MACROD2: variants seen among roughly 807,000 people sequenced by gnomAD.
MACROD2 encodes the protein ADP-ribose glycohydrolase MACROD2.
A neutral mutation model predicts 70.4 loss-of-function variants in MACROD2; 36 were observed. That is an observed-to-expected ratio of 0.51 (90% CI 0.39 to 0.68). The LOEUF is 0.68. Ranked by LOEUF, MACROD2 falls within the 30% of genes least tolerant of loss-of-function variation. The probability of loss-of-function intolerance (pLI) is 0.00; values close to 1 mark genes in which losing one functional copy is unlikely to be tolerated. For synonymous variants in MACROD2, 172 were observed against 178.8 expected, an observed-to-expected ratio of 0.96 and a Z score of 0.30; for missense variants, 496 against 538.4, an observed-to-expected ratio of 0.92 and a Z score of 0.78.
At chr20:14,972,385 T>C (rs1318190913) in intron 5 of MACROD2, among the ~76,000 whole-genome samples, 1 of 152,182 alleles carries the variant, frequency 6.6e-6, no homozygotes, top group Non-Finnish European at 1.5e-5. Flanking sequence ...TCTCACTCTC[T>C]TTCTCTCATC....
intron 8 of MACROD2, among the ~76,000 whole-genome samples, chr20:15,582,135 A>C (rs1475097281): frequency 1.3e-5 from 2 of 150,652 alleles, no homozygotes; most frequent in African/African-American, 4.9e-5. Context: ...AAAAAAAAAA[A>C]GTTCTGCCAC....
At chr20:15,501,679 G>A (rs76158967) in intron 8 of MACROD2, among the ~76,000 whole-genome samples, 1,703 of 152,208 alleles carry the variant, frequency 0.011, 28 homozygotes, top group African/African-American at 0.039. Context: ...TATTGCAACT[G>A]TAAACATATC....
At chr20:14,169,769 A>G (rs1223115201) in intron 3 of MACROD2, among the ~76,000 whole-genome samples, 2 of 152,140 alleles carry the variant, frequency 1.3e-5, no homozygotes, top group African/African-American at 4.8e-5. Context: ...GTCATTGAAT[A>G]CATTGTTCCT....
At chr20:14,216,939 T>A (rs2081628051) in intron 3 of MACROD2, among the ~76,000 whole-genome samples, 1 of 152,248 alleles carries the variant, frequency 6.6e-6, no homozygotes, top group East Asian at 1.9e-4. Context: ...AGGTAAACAA[T>A]CATATTGTCA....
intron 3 of MACROD2, among the ~76,000 whole-genome samples, chr20:14,269,660 A>G (rs767289582): frequency 1.1e-4 from 16 of 152,332 alleles, no homozygotes; most frequent in Middle Eastern, 6.8e-3. Context: ...GGATTTAATT[A>G]TACAAATAGT....
intron 4 of MACROD2, among the ~76,000 whole-genome samples, chr20:14,596,917 T>A (rs1232228003): frequency 1.3e-5 from 2 of 152,218 alleles, no homozygotes; most frequent in African/African-American, 2.4e-5. Context: ...ACATTTCATA[T>A]CCAGAATTAC....
At chr20:15,278,578 T>C (rs956237553) in intron 6 of MACROD2, among the ~76,000 whole-genome samples, 3 of 152,180 alleles carry the variant, frequency 2.0e-5, no homozygotes, top group Non-Finnish European at 2.9e-5. Context: ...AACGTACACA[T>C]GATAAAACAG....
At chr20:15,122,305 A>G (rs905954533) in intron 5 of MACROD2, among the ~76,000 whole-genome samples, 1 of 152,102 alleles carries the variant, frequency 6.6e-6, no homozygotes, top group Admixed American at 6.5e-5. Context: ...ACATTCCACC[A>G]TTATTGGTGC....
intron 9 of MACROD2, among the ~76,000 whole-genome samples, chr20:15,876,742 C>T (rs6080003): frequency 0.17 from 25,305 of 152,116 alleles, 2,253 homozygotes; most frequent in South Asian, 0.29. Context: ...AGTGTAAAAG[C>T]GTTCCTATTT....
At chr20:15,519,672 G>C (rs1324029432) in intron 8 of MACROD2, among the ~76,000 whole-genome samples, 1 of 152,168 alleles carries the variant, frequency 6.6e-6, no homozygotes, top group African/African-American at 2.4e-5. Flanking sequence ...AAAAGAGATG[G>C]AGTCTTACTC....
At chr20:14,146,020 C>T (rs1405897064) in intron 3 of MACROD2, among the ~76,000 whole-genome samples, 2 of 152,098 alleles carry the variant, frequency 1.3e-5, no homozygotes, top group Non-Finnish European at 2.9e-5. Context: ...AGTTTTATCC[C>T]CTTTAAAGAT....
chr20:14,775,014 A>C (rs2072215979), intron 5 of MACROD2, among the ~76,000 whole-genome samples: 1 of 152,142 alleles, frequency 6.6e-6, no homozygotes, highest in African/African-American at 2.4e-5. Context: ...AATCACAAAC[A>C]TTTGATTCTG....
At chr20:15,329,590 G>T (rs1464657678) in intron 6 of MACROD2, among the ~76,000 whole-genome samples, 1 of 151,698 alleles carries the variant, frequency 6.6e-6, no homozygotes, top group East Asian at 1.9e-4. Context: ...AAAAAATAAA[G>T]TACATAAAAA....
intron 4 of MACROD2, among the ~76,000 whole-genome samples, chr20:14,681,661 T>A (rs1003598777): frequency 4.6e-5 from 7 of 152,300 alleles, no homozygotes; most frequent in Middle Eastern, 6.8e-3. Context: ...TTTATTAGCA[T>A]CATGGTTACA....
chr20:15,404,818 C>T (rs1014440661), intron 6 of MACROD2, among the ~76,000 whole-genome samples: 1 of 152,176 alleles, frequency 6.6e-6, no homozygotes, highest in African/African-American at 2.4e-5. Flanking sequence ...GATATCATAT[C>T]GTTCCATCCA....
At chr20:14,394,933 A>G (rs1393324284) in intron 3 of MACROD2, among the ~76,000 whole-genome samples, 1 of 152,206 alleles carries the variant, frequency 6.6e-6, no homozygotes, top group Non-Finnish European at 1.5e-5. Flanking sequence ...TTATATTCCT[A>G]GAATAAACTC....
chr20:15,048,327 G>A (rs933030370), intron 5 of MACROD2, among the ~76,000 whole-genome samples: 3 of 152,012 alleles, frequency 2.0e-5, no homozygotes, highest in Non-Finnish European at 4.4e-5. Context: ...TGAAGCCACT[G>A]ATATGTAAAG....
At chr20:15,263,257 A>G (rs750375106) in intron 6 of MACROD2, among the ~76,000 whole-genome samples, 2 of 151,864 alleles carry the variant, frequency 1.3e-5, no homozygotes, top group Non-Finnish European at 2.9e-5. Flanking sequence ...TTTTCTCTAT[A>G]TAGATATTCA....
chr20:14,181,158 TC>T (rs1210278788), intron 3 of MACROD2, among the ~76,000 whole-genome samples: 2 of 151,752 alleles, frequency 1.3e-5, no homozygotes, highest in African/African-American at 4.8e-5. Context: ...AGCCCTGACT[TC>T]CTGGGCTCAA....
Sources: allele counts gnomAD v4.1 joint callset (sites outside exome capture counted in the v4.1 genomes callset), GRCh38; gene constraint gnomAD v4.1.1; transcripts MANE v1.5; gene names NCBI Gene and HGNC (gene_info 2026-07-23, HGNC 2026-07-21).